SLC44A1: variants seen among roughly 807,000 people sequenced by gnomAD.
SLC44A1 encodes the protein solute carrier family 44 member 1.
A neutral mutation model predicts 79.3 loss-of-function variants in SLC44A1; 26 were observed. That is an observed-to-expected ratio of 0.33 (90% CI 0.24 to 0.46). SLC44A1 has a LOEUF of 0.46. Among genes scored for constraint, SLC44A1 ranks in the 20% least tolerant of loss-of-function variants. SLC44A1 has a pLI of 1.00. For missense variants in SLC44A1, 688 were observed against 798.1 expected, an observed-to-expected ratio of 0.86 and a Z score of 1.66; for synonymous variants, 263 against 286.2, an observed-to-expected ratio of 0.92 and a Z score of 0.82.
At chr9:105,340,407 G>A (rs1248716178) in intron 4 of SLC44A1, among the ~76,000 whole-genome samples, 1 of 152,182 alleles carries the variant, frequency 6.6e-6, no homozygotes, top group Admixed American at 6.5e-5. Context: ...TGTCTAATGG[G>A]TGAAGAGTTT....
At chr9:105,246,833 G>T (rs1829464802) in intron 1 of SLC44A1, among the ~76,000 whole-genome samples, 1 of 152,164 alleles carries the variant, frequency 6.6e-6, no homozygotes, top group South Asian at 2.1e-4. Context: ...ACCGATAGTG[G>T]GTCTTGCATT....
chr9:105,279,732 C>T (rs1830306720), intron 1 of SLC44A1, among the ~76,000 whole-genome samples: 1 of 152,150 alleles, frequency 6.6e-6, no homozygotes, highest in Non-Finnish European at 1.5e-5. Context: ...AACCTTCTAT[C>T]ACCATTAACA....
intron 2 of SLC44A1, among the ~76,000 whole-genome samples, chr9:105,301,357 G>GACCC (rs1830874334): frequency 6.6e-6 from 1 of 152,190 alleles, no homozygotes; most frequent in African/African-American, 2.4e-5. Context: ...TGGTAATTAA[G>GACCC]ACCCACTGTG....
chr9:105,394,133 C>T lies in SLC44A1; in HGVS notation c.*5077C>T. Reference sequence around the variant, plus strand: ...GGCCCTCAGACGGCCAGCTTCCACCCCTGTACCCCCTCAGGGGCTAATGAA... The same window carrying T: ...GGCCCTCAGACGGCCAGCTTCCACCTCTGTACCCCCTCAGGGGCTAATGAA... On this transcript the variant is annotated 3_prime_UTR_variant, in exon 16 of 16. Coordinates refer to ENST00000374720, the MANE Select transcript of SLC44A1 (RefSeq NM_080546.5). 1.0e-6 allele frequency: 1 copy of T among 985,402 alleles called. No individual in the cohort carries two copies. Among genetic ancestry groups the T allele is most frequent in the Non-Finnish European group, 1.2e-6 (1 of 829,948 alleles). 61.0% of individuals were successfully genotyped at this position (985,402 alleles called of 1,614,324 possible). A position where few individuals can be genotyped will look rare whatever the true frequency, so the allele number is the denominator to read the frequency against.
rs576147602 is a variant in SLC44A1, at chr9:105,248,892, G to A, written c.36+3988G>A. 3.3e-5 allele frequency among the ~76,000 whole-genome samples: 5 copies of A among 152,290 alleles called. No homozygotes were observed. The East Asian group carries it at 9.6e-4, about 29-fold the overall frequency. ...AATGAATCTTTTGAAAGATTACTTA[G>A]CAAATTGCCGTAAGTCTTTGTCCTT... On this transcript the variant is annotated intron_variant, in intron 1 of 15. Transcript: ENST00000374720.
At chr9:105,342,597 C>T (rs947710746) in intron 4 of SLC44A1, among the ~76,000 whole-genome samples, 2 of 152,146 alleles carry the variant, frequency 1.3e-5, no homozygotes, top group African/African-American at 4.8e-5. Context: ...AGTTCTTCTC[C>T]TTTCTCTCTC....
intron 2 of SLC44A1, among the ~76,000 whole-genome samples, chr9:105,302,597 A>C (rs1194302746): frequency 6.6e-6 from 1 of 151,366 alleles, no homozygotes; most frequent in African/African-American, 2.4e-5. Flanking sequence ...AGTGATCTGC[A>C]TGCCTCGGCC....
chr9:105,389,157 G>A lies in SLC44A1; in HGVS notation c.*101G>A, dbSNP rs937141834. Reference sequence around the variant, plus strand: ...GGTGTGTGTATATATGTATATGTATGTGTGTATATATGTATATGTATATAC... The same window carrying A: ...GGTGTGTGTATATATGTATATGTATATGTGTATATATGTATATGTATATAC... On this transcript the variant is annotated 3_prime_UTR_variant, in exon 16 of 16. Coordinates refer to ENST00000374720, the MANE Select transcript of SLC44A1 (RefSeq NM_080546.5). 30 of 1,536,370 alleles carry A rather than the reference G, an allele frequency of 2.0e-5. No homozygotes were observed. The highest frequency in any genetic ancestry group is 4.7e-5 in the South Asian group (4 of 85,254).
chr9:105,335,494 A>G (rs1021922639), intron 3 of SLC44A1, 69 bp from the exon 4 acceptor site: 2 of 1,192,332 alleles, frequency 1.7e-6, no homozygotes, highest in African/African-American at 1.5e-5. Context: ...CTCTAGGCTT[A>G]GTCAAATATG....
chr9:105,303,768 G>T lies in SLC44A1; in HGVS notation c.126+4459G>T, dbSNP rs183517644. ...TGAGGACAACAGAAAAAGTTGTTCA[G>T]AACATGGACCTGTAGGACCAGTAAC... On this transcript the variant is annotated intron_variant, in intron 2 of 15. Transcript: ENST00000374720. Among the ~76,000 whole-genome samples, 6 of 152,330 alleles carry T rather than the reference G, an allele frequency of 3.9e-5. No homozygotes were observed. The South Asian group carries it at 6.2e-4, about 16-fold the overall frequency.
At chr9:105,285,752 G>A (rs140653503) in intron 1 of SLC44A1, among the ~76,000 whole-genome samples, 6 of 152,290 alleles carry the variant, frequency 3.9e-5, no homozygotes, top group African/African-American at 1.4e-4. Context: ...ATCAGTTAGG[G>A]TGGGGCAGAA....
At position 105,383,325 on chromosome 9, in the gene SLC44A1, C is replaced by T; in HGVS notation, c.1835C>T (p.Pro612Leu). 1 of 1,611,848 alleles carries T rather than the reference C, an allele frequency of 6.2e-7. No individual in the cohort carries two copies. The highest frequency in any genetic ancestry group is 1.1e-5 in the South Asian group (1 of 91,016). Reference sequence around the variant, plus strand: ...GATACAAAATACAATGATGGGAGCCCTGGCAGAGAATTCTATATGGATAAA... The same window carrying T: ...GATACAAAATACAATGATGGGAGCCTTGGCAGAGAATTCTATATGGATAAA... ...AIDTKYNDGS[P>L]GREFYMDKVL... The change falls in exon 14 of 16, where the codon CCT becomes CTT. Residue 612 changes from proline to leucine, a missense_variant. By Grantham distance (98) the Pro-to-Leu change is moderately conservative. Transcript: ENST00000374720.
intron 3 of SLC44A1, 47 bp from the exon 4 acceptor site, chr9:105,335,515 CA>C (rs1419163072): frequency 4.6e-6 from 7 of 1,508,774 alleles, no homozygotes; most frequent in Non-Finnish European, 6.4e-6. Context: ...CAGGGACCCA[CA>C]ATGTGTTTTG....
intron 1 of SLC44A1, among the ~76,000 whole-genome samples, chr9:105,277,111 G>T (rs1226900414): frequency 6.6e-6 from 1 of 152,228 alleles, no homozygotes; most frequent in East Asian, 1.9e-4. Context: ...AGAGCCATCA[G>T]CATTTTCTGA....
At chr9:105,436,845 G>C (rs1036914635) in intron 15 of SLC44A1, among the ~76,000 whole-genome samples, 1 of 152,142 alleles carries the variant, frequency 6.6e-6, no homozygotes, top group African/African-American at 2.4e-5. Context: ...TTCAAGCAAC[G>C]TTATTCTTAG....
Position 105,396,631 on chromosome 9 carries a change from A to G in SLC44A1, c.*7575A>G, listed in dbSNP as rs1162914417. On this transcript the variant is annotated 3_prime_UTR_variant, in exon 16 of 16. Coordinates refer to ENST00000374720, the MANE Select transcript of SLC44A1 (RefSeq NM_080546.5). ...GGGGTGATATGAGCAGAAAACACAC[A>G]TCGGTGTGTCTTGATTTCTCGCAGC... 5.1e-6 allele frequency: 5 copies of G among 985,162 alleles called. No homozygotes were observed. The highest frequency in any genetic ancestry group is 3.5e-5 in the African/African-American group (2 of 57,206). 61.0% of individuals were successfully genotyped at this position (985,162 alleles called of 1,614,324 possible).
chr9:105,351,616 AAGAAAGAG>A (rs1564452871), intron 5 of SLC44A1, among the ~76,000 whole-genome samples: 6 of 58,672 alleles, frequency 1.0e-4, no homozygotes, highest in African/African-American at 3.3e-4. Flanking sequence ...GAAAGAAAGA[AAGAAAGAG>A]AGAGAAAGAG....
chr9:105,260,659 A>G lies in SLC44A1; in HGVS notation c.36+15755A>G, dbSNP rs538676194. Among the ~76,000 whole-genome samples the G allele has an allele frequency of 3.0e-4, 46 of 152,306 alleles. 1 individual carries two copies. The South Asian group carries it at 9.5e-3, about 32-fold the overall frequency. ...TCAGATTAGTGATTTGAGATCTCCAAGGGATATTAGGTAGGGTAAATGATT... is the reference window on the plus strand; with the variant it reads ...TCAGATTAGTGATTTGAGATCTCCAGGGGATATTAGGTAGGGTAAATGATT... On this transcript the variant is annotated intron_variant, in intron 1 of 15. Transcript: ENST00000374720.
intron 8 of SLC44A1, 79 bp from the exon 9 acceptor site, chr9:105,362,742 T>C: frequency 9.3e-7 from 1 of 1,075,432 alleles, no homozygotes. Flanking sequence ...GGCTGAAGGG[T>C]TATGTTAAAA....
Sources: allele counts gnomAD v4.1 joint callset (sites outside exome capture counted in the v4.1 genomes callset), GRCh38; gene constraint gnomAD v4.1.1; transcripts MANE v1.5; gene names NCBI Gene and HGNC (gene_info 2026-07-23, HGNC 2026-07-21).